Variants in TRDN observed in about 807,000 individuals in gnomAD.
The protein encoded by TRDN is triadin in skeletal muscle.
TRDN carries 161 observed loss-of-function variants against 149.7 expected under a neutral mutation model. The ratio of observed to expected loss-of-function variants is 1.08; its 90% CI spans 0.95 to 1.23. TRDN has a LOEUF of 1.23. Among genes scored for constraint, TRDN ranks in the 50% most tolerant of loss-of-function variants. The probability of loss-of-function intolerance (pLI) is 0.00; values close to 1 mark genes in which losing one functional copy is unlikely to be tolerated. For synonymous variants in TRDN, 294 were observed against 250.5 expected (o/e 1.17, Z -1.64); for missense variants, 896 against 823.5 (o/e 1.09, Z -1.08).
chr6:123,297,753 T>C (rs1778256673), intron 24 of TRDN, among the ~76,000 whole-genome samples: 1 of 152,010 alleles, frequency 6.6e-6, no homozygotes, highest in Non-Finnish European at 1.5e-5. Flanking sequence ...AAATTTCTCT[T>C]GAAAATATGG....
chr6:123,309,893 A>G (rs577836315), intron 24 of TRDN, among the ~76,000 whole-genome samples: 12 of 152,164 alleles, frequency 7.9e-5, no homozygotes, highest in African/African-American at 2.6e-4. Context: ...AACTTCCACT[A>G]TAAACACTTC....
chr6:123,287,651 C>G (rs1272304680), intron 24 of TRDN, among the ~76,000 whole-genome samples: 1 of 152,112 alleles, frequency 6.6e-6, no homozygotes, highest in African/African-American at 2.4e-5. Flanking sequence ...AAGCTAAAAA[C>G]AGAGCATGCT....
intron 19 of TRDN, among the ~76,000 whole-genome samples, chr6:123,371,512 G>A (rs1327678109): frequency 6.6e-6 from 1 of 152,112 alleles, no homozygotes; most frequent in Non-Finnish European, 1.5e-5. Flanking sequence ...CAATAGCCAT[G>A]CTTTATAGTG....
rs138240428 is a variant in TRDN at position 123,472,140 on chromosome 6, G to A, written c.854-7157C>T. ...TCCCAGCGTGAGCGACGCAGAAGAC[G>A]GGTGATTTCTGCATTTCCATCTGAG... On this transcript the variant is annotated intron_variant, in intron 9 of 40. Coordinates refer to ENST00000334268, the MANE Select transcript of TRDN (RefSeq NM_006073.4). Among the ~76,000 whole-genome samples, 679 of 152,276 alleles carry A rather than the reference G, an allele frequency of 4.5e-3. 3 individuals are homozygous for A. The highest frequency in any genetic ancestry group is 0.015 in the African/African-American group (627 of 41,548).
At chr6:123,427,525 G>C (rs901689894) in intron 12 of TRDN, among the ~76,000 whole-genome samples, 8 of 152,000 alleles carry the variant, frequency 5.3e-5, no homozygotes, top group Non-Finnish European at 1.0e-4. Context: ...TTCTCTGTTT[G>C]AAAACTTCAA....
intron 9 of TRDN, among the ~76,000 whole-genome samples, chr6:123,490,630 T>C (rs999210258): frequency 2.0e-5 from 3 of 152,170 alleles, no homozygotes; most frequent in East Asian, 1.9e-4. Flanking sequence ...ACCTGAACCA[T>C]TTCATTTTGC....
rs9388210 is a variant in TRDN, at chr6:123,300,558, T to A, written c.1510+15899A>T. On this transcript the variant is annotated intron_variant, in intron 24 of 40. Coordinates refer to ENST00000334268, the MANE Select transcript of TRDN (RefSeq NM_006073.4). ...GAGAAAAATTGTACCTGTCATAGAC[T>A]GGTTCGGAAGCTATTAATGACACTA... Among the ~76,000 whole-genome samples, 34 of 152,042 alleles carry A rather than the reference T, an allele frequency of 2.2e-4. No individual in the cohort carries two copies. The East Asian group carries it at 6.6e-3, about 29-fold the overall frequency.
At chr6:123,419,317 A>G (rs965165798) in intron 12 of TRDN, among the ~76,000 whole-genome samples, 6 of 152,194 alleles carry the variant, frequency 3.9e-5, no homozygotes, top group Admixed American at 1.3e-4. Context: ...AGAAGTCAGC[A>G]TAGTGAATTA....
At chr6:123,327,671 A>G (rs1779509669) in intron 23 of TRDN, among the ~76,000 whole-genome samples, 2 of 152,104 alleles carry the variant, frequency 1.3e-5, no homozygotes, top group Non-Finnish European at 2.9e-5. Flanking sequence ...ATTAATTTTC[A>G]TAGGATGATC....
rs183776228 is a variant in TRDN at position 123,412,777 on chromosome 6, A to T, written c.1052-19100T>A. 9.6e-4 allele frequency among the ~76,000 whole-genome samples: 146 copies of T among 152,316 alleles called. 2 individuals are homozygous for T. The South Asian group carries it at 0.022, about 23-fold the overall frequency. On this transcript the variant is annotated intron_variant, in intron 12 of 40. Transcript: ENST00000334268. ...AAGTTTAAAAATTAACTAAAACAAT[A>T]TCAATTTTTAAAAAAATTCTAAATA... is the stretch of plus-strand genomic sequence containing the variant.
chr6:123,506,401 G>A (rs1202942297), intron 7 of TRDN, among the ~76,000 whole-genome samples: 1 of 151,918 alleles, frequency 6.6e-6, no homozygotes, highest in Non-Finnish European at 1.5e-5. Flanking sequence ...ATTTTTCCAT[G>A]TGTCAACTGT....
intron 12 of TRDN, among the ~76,000 whole-genome samples, chr6:123,403,692 G>A (rs1482917334): frequency 1.3e-5 from 2 of 152,062 alleles, no homozygotes; most frequent in Non-Finnish European, 2.9e-5. Flanking sequence ...TTCCTAGAAG[G>A]ACAGTACTCT....
intron 5 of TRDN, among the ~76,000 whole-genome samples, chr6:123,520,025 A>G (rs866329241): frequency 1.3e-5 from 2 of 152,116 alleles, no homozygotes; most frequent in South Asian, 2.1e-4. Flanking sequence ...CCTTAAAAAA[A>G]TTCTGTTTCA....
intron 38 of TRDN, among the ~76,000 whole-genome samples, chr6:123,240,042 T>TAC (rs900451991): frequency 1.3e-5 from 2 of 151,848 alleles, no homozygotes; most frequent in Admixed American, 6.6e-5. Context: ...TACAATGTGC[T>TAC]ACACACACAC....
At chr6:123,390,403 T>A (rs1231158287) in intron 13 of TRDN, among the ~76,000 whole-genome samples, 1 of 152,192 alleles carries the variant, frequency 6.6e-6, no homozygotes, top group African/African-American at 2.4e-5. Flanking sequence ...AGCATGCATG[T>A]ATGCACATGT....
chr6:123,388,449 A>G (rs1215901215), intron 14 of TRDN, 73 bp downstream of exon 14: 10 of 1,493,918 alleles, frequency 6.7e-6, no homozygotes, highest in African/African-American at 1.4e-5. Context: ...ACAGAATAGC[A>G]GTCAAAACCC....
chr6:123,634,218 G>T (rs201120609), intron 1 of TRDN, among the ~76,000 whole-genome samples: 1 of 152,006 alleles, frequency 6.6e-6, no homozygotes, highest in East Asian at 1.9e-4. Flanking sequence ...ATCTTGGCTT[G>T]AGGCCAGTAG....
intron 2 of TRDN, among the ~76,000 whole-genome samples, chr6:123,569,006 A>G (rs1408552035): frequency 1.3e-5 from 2 of 152,222 alleles, no homozygotes; most frequent in South Asian, 2.1e-4. Context: ...TATACTCTGC[A>G]TCCCCTTTAA....
At chr6:123,233,106 A>C (rs2114525789) in intron 38 of TRDN, among the ~76,000 whole-genome samples, 1 of 152,220 alleles carries the variant, frequency 6.6e-6, no homozygotes, top group East Asian at 1.9e-4. Flanking sequence ...AGAGATACCC[A>C]AAGCTCCAAA....
Sources: allele counts gnomAD v4.1 joint callset (sites outside exome capture counted in the v4.1 genomes callset), GRCh38; gene constraint gnomAD v4.1.1; transcripts MANE v1.5; gene names NCBI Gene and HGNC (gene_info 2026-07-23, HGNC 2026-07-21).